The following LHFPL4 variants were observed in gnomAD, a reference collection of about 807,000 sequenced individuals.
The protein encoded by LHFPL4 is LHFPL tetraspan subfamily member 4 protein.
LHFPL4 carries 6 observed loss-of-function variants against 20.0 expected under a neutral mutation model. The observed-to-expected ratio is 0.30, with a 90% CI of 0.16 to 0.59. The LOEUF (loss-of-function observed/expected upper bound fraction) is 0.59, where lower values mean the gene tolerates loss of function less well. Ranked by LOEUF, LHFPL4 falls within the 20% of genes least tolerant of loss-of-function variation. The pLI, the probability that LHFPL4 is intolerant of heterozygous loss-of-function variation, is 0.88. For synonymous variants in LHFPL4, 129 were observed against 143.8 expected, an observed-to-expected ratio of 0.90 and a Z score of 0.74; for missense variants, 215 against 331.2, an observed-to-expected ratio of 0.65 and a Z score of 2.72.
intron 2 of LHFPL4, among the ~76,000 whole-genome samples, chr3:9,543,690 C>T (rs926663916): frequency 6.7e-5 from 10 of 149,500 alleles, no homozygotes; most frequent in African/African-American, 9.9e-5. Context: ...TTGACTCAGG[C>T]GACTACGTTT....
chr3:9,536,494 T>C (rs993942568), intron 2 of LHFPL4, among the ~76,000 whole-genome samples: 2 of 152,108 alleles, frequency 1.3e-5, no homozygotes, highest in African/African-American at 2.4e-5. Flanking sequence ...CTCCAAAAAA[T>C]GTCCAGCACC....
intron 2 of LHFPL4, among the ~76,000 whole-genome samples, chr3:9,521,827 A>C (rs917384036): frequency 6.6e-6 from 1 of 152,044 alleles, no homozygotes; most frequent in Non-Finnish European, 1.5e-5. Context: ...GTCTTTTTTT[A>C]AAATCTATTC....
At chr3:9,524,619 A>T (rs953989694) in intron 2 of LHFPL4, among the ~76,000 whole-genome samples, 1 of 151,922 alleles carries the variant, frequency 6.6e-6, no homozygotes, top group African/African-American at 2.4e-5. Flanking sequence ...TAGTATTTCC[A>T]TCTCTCTGCT....
At chr3:9,529,997 T>C (rs914654939) in intron 2 of LHFPL4, among the ~76,000 whole-genome samples, 1 of 151,136 alleles carries the variant, frequency 6.6e-6, no homozygotes, top group African/African-American at 2.4e-5. Flanking sequence ...GAGTAAACCA[T>C]GCTGTAAACA....
chr3:9,533,929 T>C (rs1304555099), intron 2 of LHFPL4, among the ~76,000 whole-genome samples: 10 of 151,484 alleles, frequency 6.6e-5, no homozygotes, highest in Admixed American at 6.6e-4. Flanking sequence ...AAAGGTTGCA[T>C]AGGGTCGGAC....
intron 3 of LHFPL4, among the ~76,000 whole-genome samples, chr3:9,505,653 T>C (rs1452303373): frequency 6.6e-6 from 1 of 152,168 alleles, no homozygotes; most frequent in Non-Finnish European, 1.5e-5. Context: ...CTGGATCTTC[T>C]GACCTCAGGA....
chr3:9,539,932 A>G (rs1012233182), intron 2 of LHFPL4, among the ~76,000 whole-genome samples: 3 of 152,220 alleles, frequency 2.0e-5, no homozygotes, highest in African/African-American at 7.2e-5. Context: ...GTGGAAAAAA[A>G]TGAAATATTT....
chr3:9,521,252 T>C lies in LHFPL4; in HGVS notation c.407-15049A>G, dbSNP rs1175735490. Among the ~76,000 whole-genome samples the C allele has an allele frequency of 4.1e-5, 6 of 146,548 alleles. No homozygotes were observed. The East Asian group carries it at 1.2e-3, about 29-fold the overall frequency. ...TTCTTCTTTTTTTTTTTTTTGACAG[T>C]GTGGCTCTGTTGCCCAGGCTGGAGT... On this transcript the variant is annotated intron_variant, in intron 2 of 3. Coordinates refer to ENST00000287585, the MANE Select transcript of LHFPL4 (RefSeq NM_198560.3).
At chr3:9,537,990 T>G (rs1485381474) in intron 2 of LHFPL4, among the ~76,000 whole-genome samples, 2 of 152,172 alleles carry the variant, frequency 1.3e-5, no homozygotes, top group Non-Finnish European at 2.9e-5. Context: ...TCCTCCACCC[T>G]AGGTCTGATC....
chr3:9,549,187 T>C (rs968699648), intron 2 of LHFPL4, among the ~76,000 whole-genome samples: 2 of 152,188 alleles, frequency 1.3e-5, no homozygotes, highest in African/African-American at 4.8e-5. Context: ...GTGACGTAAC[T>C]AGACAGTATG....
chr3:9,537,880 CT>C (rs1164579769), intron 2 of LHFPL4, among the ~76,000 whole-genome samples: 5 of 152,030 alleles, frequency 3.3e-5, no homozygotes, highest in Admixed American at 1.3e-4. Context: ...CAGCTGAGAC[CT>C]TCTCCTCATC....
In LHFPL4 at chr3:9,538,188, G is replaced by A. The variant is rs78653142; in HGVS notation, c.406+14086C>T. 8.4e-3 allele frequency among the ~76,000 whole-genome samples: 1,281 copies of A among 151,998 alleles called. 27 individuals carry two copies. The highest frequency in any genetic ancestry group is 0.054 in the East Asian group (281 of 5,162). On this transcript the variant is annotated intron_variant, in intron 2 of 3. Transcript: ENST00000287585. ...CTCTCACCTGGATCGCCTTCTTCCC[G>A]GGCTCCCTCCTCCCATCAAGCCTCC...
chr3:9,514,740 A>C (rs897574994), intron 2 of LHFPL4, among the ~76,000 whole-genome samples: 9 of 152,222 alleles, frequency 5.9e-5, no homozygotes, highest in African/African-American at 2.2e-4. Context: ...CCAGAATGTC[A>C]TGTAATTGTA....
intron 3 of LHFPL4, among the ~76,000 whole-genome samples, chr3:9,503,659 T>C (rs1329609256): frequency 6.6e-6 from 1 of 152,254 alleles, no homozygotes; most frequent in African/African-American, 2.4e-5. Context: ...TCTCTGAACC[T>C]GGCCTTTTTT....
chr3:9,536,029 G>C (rs2046442186), intron 2 of LHFPL4, among the ~76,000 whole-genome samples: 2 of 152,120 alleles, frequency 1.3e-5, no homozygotes, highest in Admixed American at 1.3e-4. Flanking sequence ...TTGAACTCCT[G>C]ACTTCAGGTG....
intron 2 of LHFPL4, among the ~76,000 whole-genome samples, chr3:9,549,548 T>A (rs2125668740): frequency 6.6e-6 from 1 of 152,132 alleles, no homozygotes; most frequent in Middle Eastern, 3.4e-3. Flanking sequence ...ATACAAAAAA[T>A]TAGCCAGGCG....
At chr3:9,513,841 T>C (rs1462113366) in intron 2 of LHFPL4, among the ~76,000 whole-genome samples, 2 of 152,232 alleles carry the variant, frequency 1.3e-5, no homozygotes, top group African/African-American at 4.8e-5. Flanking sequence ...GTGGTCACCA[T>C]CATCGACTGT....
intron 2 of LHFPL4, among the ~76,000 whole-genome samples, chr3:9,544,000 G>A (rs1330445334): frequency 6.6e-6 from 1 of 152,098 alleles, no homozygotes; most frequent in Non-Finnish European, 1.5e-5. Context: ...TAGGATTACA[G>A]ATGAGTGCCA....
intron 3 of LHFPL4, among the ~76,000 whole-genome samples, chr3:9,504,216 C>T (rs894589962): frequency 1.3e-5 from 2 of 151,902 alleles, no homozygotes; most frequent in East Asian, 3.9e-4. Flanking sequence ...ACTAAGAATA[C>T]AACAGTTAGC....
Sources: allele counts gnomAD v4.1 joint callset (sites outside exome capture counted in the v4.1 genomes callset), GRCh38; gene constraint gnomAD v4.1.1; transcripts MANE v1.5; gene names NCBI Gene and HGNC (gene_info 2026-07-23, HGNC 2026-07-21).